The following DERA variants were observed in gnomAD, a reference collection of about 807,000 sequenced individuals.
DERA encodes deoxyribose-phosphate aldolase, also known as 2-deoxy-D-ribose 5-phosphate aldolase.
DERA carries 15 observed loss-of-function variants against 41.1 expected under a neutral mutation model. The observed-to-expected ratio is 0.37, with a 90% CI of 0.24 to 0.56. The LOEUF (loss-of-function observed/expected upper bound fraction) is 0.56. Among genes scored for constraint, DERA ranks in the 20% least tolerant of loss-of-function variants. DERA has a pLI of 0.81. For synonymous variants in DERA, 139 were observed against 137.4 expected, an observed-to-expected ratio of 1.01 and a Z score of -0.08; for missense variants, 396 against 403.4, an observed-to-expected ratio of 0.98 and a Z score of 0.16.
Position 15,936,855 on chromosome 12 carries a change from C to CTTGTCTTGTGTTGTCTTGTCTTGTG in DERA, c.32-20072_32-20071insGTTGTCTTGTCTTGTGTTGTCTTGT, listed in dbSNP as rs1948367986. 2.3e-5 allele frequency among the ~76,000 whole-genome samples: 3 copies of CTTGTCTTGTGTTGTCTTGTCTTGTG among 128,178 alleles called. No homozygotes were observed. The highest frequency in any genetic ancestry group is 9.7e-5 in the African/African-American group (3 of 30,856). 84.1% of individuals were successfully genotyped at this position (128,178 alleles called of 152,430 possible). On this transcript the variant is annotated intron_variant, in intron 1 of 8. Coordinates refer to ENST00000428559, the MANE Select transcript of DERA (RefSeq NM_015954.4). The surrounding 1 kb of genome is among the most constrained non-coding windows in gnomAD (Gnocchi z 4.6). ...TTCTGCATCTTCTGTCTTGTGTTGT[C>CTTGTCTTGTGTTGTCTTGTCTTGTG]TTGTCTTGTCTTGTCTTGTCTTGTC...
chr12:16,002,556 G>A (rs1203368916), intron 6 of DERA, among the ~76,000 whole-genome samples: 1 of 151,930 alleles, frequency 6.6e-6, no homozygotes, highest in African/African-American at 2.4e-5. Flanking sequence ...TAATTTTATA[G>A]TCACGTACTC....
rs1362631122 is a variant in DERA at position 15,993,754 on chromosome 12, T to A, written c.637+11318T>A. ...AATTCAGGTCCCCAAGCAAAAATTT[T>A]ATAAAGTTTACCCCCACCTGGCCCC... On this transcript the variant is annotated intron_variant, in intron 6 of 8. Coordinates refer to ENST00000428559, the MANE Select transcript of DERA (RefSeq NM_015954.4). The surrounding 1 kb of genome is among the most constrained non-coding windows in gnomAD (Gnocchi z 4.4). 1.3e-5 allele frequency among the ~76,000 whole-genome samples: 2 copies of A among 152,142 alleles called. No homozygotes were observed. Among genetic ancestry groups the A allele is most frequent in the Non-Finnish European group, 2.9e-5 (2 of 68,034 alleles).
rs1591993724 is a variant in DERA, at chr12:15,911,341, A to G, written c.-43A>G. On this transcript the variant is annotated 5_prime_UTR_variant, in exon 1 of 9. Transcript: ENST00000428559. The surrounding 1 kb of genome is among the most constrained non-coding windows in gnomAD (Gnocchi z 4.5). ...GGAGGAAGGGCCGGGCGCGGCGCAGAGGCGGGCGCCTACCAGCCGGCAGCT... is the reference window on the plus strand; with the variant it reads ...GGAGGAAGGGCCGGGCGCGGCGCAGGGGCGGGCGCCTACCAGCCGGCAGCT... 1.7e-5 allele frequency: 24 copies of G among 1,433,420 alleles called. No individual in the cohort carries two copies. The highest frequency in any genetic ancestry group is 2.2e-5 in the Non-Finnish European group (24 of 1,101,462). The allele number at this position is 1,433,420 out of a possible 1,614,324, so 88.8% of individuals were successfully genotyped here. A position where few individuals can be genotyped will look rare whatever the true frequency, so the allele number is the denominator to read the frequency against.
At chr12:15,942,162 C>G (rs1948413336) in intron 1 of DERA, among the ~76,000 whole-genome samples, 1 of 152,130 alleles carries the variant, frequency 6.6e-6, no homozygotes, top group Non-Finnish European at 1.5e-5. Flanking sequence ...TGTATATCTT[C>G]TTTTGAGAAA....
chr12:16,020,262 A>C lies in DERA; in HGVS notation c.638-12280A>C, dbSNP rs545468384. 6.6e-6 allele frequency among the ~76,000 whole-genome samples: 1 copy of C among 152,338 alleles called. No individual in the cohort carries two copies. Among genetic ancestry groups the C allele is most frequent in the South Asian group, 2.1e-4 (1 of 4,824 alleles). ...GTGGAAGAGGAAGCAGGCATGTCTT[A>C]AATGGCTGGAGCAGGAAGAAGAGAG... On this transcript the variant is annotated intron_variant, in intron 6 of 8. Transcript: ENST00000428559. The surrounding 1 kb of genome is among the most constrained non-coding windows in gnomAD (Gnocchi z 5.5).
At position 16,003,118 on chromosome 12, in the gene DERA, T is replaced by C. The variant is rs562282682; in HGVS notation, c.637+20682T>C. On this transcript the variant is annotated intron_variant, in intron 6 of 8. Transcript: ENST00000428559. This position sits in a 1 kb window ranked among gnomAD's most constrained non-coding sequence, Gnocchi z 4.8. ...GAGGGCTATGAGAAAGAATCTGTTT[T>C]GTGGCTCTCCCCTTACTTGCAGGGG... Among the ~76,000 whole-genome samples, 1 of 152,286 alleles carries C rather than the reference T, an allele frequency of 6.6e-6. No individual in the cohort carries two copies. The highest frequency in any genetic ancestry group is 2.4e-5 in the African/African-American group (1 of 41,552).
rs1180344279 is a variant in DERA at position 16,003,890 on chromosome 12, G to C, written c.637+21454G>C. Among the ~76,000 whole-genome samples the C allele has an allele frequency of 6.6e-6, 1 of 152,194 alleles. No individual in the cohort carries two copies. Among genetic ancestry groups the C allele is most frequent in the East Asian group, 1.9e-4 (1 of 5,190 alleles). On this transcript the variant is annotated intron_variant, in intron 6 of 8. Transcript: ENST00000428559. The surrounding 1 kb of genome is among the most constrained non-coding windows in gnomAD (Gnocchi z 4.8). ...GGAAGTTCATCCCAACCTGGAAGAGGAGAGAGGTGTTCTGGGTTGTAGAGC... is the reference window on the plus strand; with the variant it reads ...GGAAGTTCATCCCAACCTGGAAGAGCAGAGAGGTGTTCTGGGTTGTAGAGC...
rs1256476492 is a variant in DERA, at chr12:15,984,206, A to C, written c.637+1770A>C. Among the ~76,000 whole-genome samples the C allele has an allele frequency of 6.6e-6, 1 of 152,170 alleles. No homozygotes were observed. Among genetic ancestry groups the C allele is most frequent in the African/African-American group, 2.4e-5 (1 of 41,438 alleles). On this transcript the variant is annotated intron_variant, in intron 6 of 8. Transcript: ENST00000428559. This position sits in a 1 kb window ranked among gnomAD's most constrained non-coding sequence, Gnocchi z 4.5. Reference sequence around the variant, plus strand: ...CCAATCTTGTGATACCTGTTACCCCAGCTGTTATCCTGGTCACAATGAAAG... The same window carrying C: ...CCAATCTTGTGATACCTGTTACCCCCGCTGTTATCCTGGTCACAATGAAAG...
rs1279870227 is a variant in DERA, at chr12:15,931,958, T to C, written c.31+20544T>C. 2.0e-5 allele frequency among the ~76,000 whole-genome samples: 3 copies of C among 152,302 alleles called. No individual in the cohort carries two copies. The highest frequency in any genetic ancestry group is 1.9e-4 in the East Asian group (1 of 5,186). On this transcript the variant is annotated intron_variant, in intron 1 of 8. Coordinates refer to ENST00000428559, the MANE Select transcript of DERA (RefSeq NM_015954.4). This position sits in a 1 kb window ranked among gnomAD's most constrained non-coding sequence, Gnocchi z 4.6. ...TCCCCTTTGACCTTTTGCCATGTTATGACTCAGCAGAAAAGCCCTTACCAA... is the reference window on the plus strand; with the variant it reads ...TCCCCTTTGACCTTTTGCCATGTTACGACTCAGCAGAAAAGCCCTTACCAA...
In DERA at chr12:16,037,294, T is replaced by C. The variant is rs756253512; in HGVS notation, c.*548T>C. 5 of 152,186 alleles carry C rather than the reference T, an allele frequency of 3.3e-5. No homozygotes were observed. Among genetic ancestry groups the C allele is most frequent in the Non-Finnish European group, 7.3e-5 (5 of 68,048 alleles). The allele number at this position is 152,186 out of a possible 1,614,324, so 9.4% of individuals were successfully genotyped here. A position where few individuals can be genotyped will look rare whatever the true frequency, so the allele number is the denominator to read the frequency against. On this transcript the variant is annotated 3_prime_UTR_variant, in exon 9 of 9. Transcript: ENST00000428559. This position sits in a 1 kb window ranked among gnomAD's most constrained non-coding sequence, Gnocchi z 6.7. ...AATTTTTAAAATAATAAAGTTCCTA[T>C]AGTTTATTTTTTTAAAAAACTTAAA...
At chr12:15,979,333 T>C (rs532938824) in intron 5 of DERA, among the ~76,000 whole-genome samples, 1 of 152,312 alleles carries the variant, frequency 6.6e-6, no homozygotes, top group African/African-American at 2.4e-5. Context: ...GGTACCACAC[T>C]GTTGGCTGGT....
intron 1 of DERA, among the ~76,000 whole-genome samples, chr12:15,950,437 C>A (rs947024855): frequency 6.6e-6 from 1 of 152,148 alleles, no homozygotes; most frequent in Admixed American, 6.5e-5. Context: ...TGGGTTTTAG[C>A]TGGCTTCTTT....
At chr12:15,964,591 T>C (rs1254117929) in intron 5 of DERA, among the ~76,000 whole-genome samples, 1 of 152,222 alleles carries the variant, frequency 6.6e-6, no homozygotes, top group African/African-American at 2.4e-5. Context: ...CGGATTTCAC[T>C]AAGATTTAAG....
intron 1 of DERA, among the ~76,000 whole-genome samples, chr12:15,929,013 G>T (rs1210872227): frequency 6.6e-6 from 1 of 152,200 alleles, no homozygotes; most frequent in Non-Finnish European, 1.5e-5. Context: ...CTCCTTTAGA[G>T]CACTGGCTCA....
chr12:15,941,488 C>T lies in DERA; in HGVS notation c.32-15448C>T, dbSNP rs560105624. On this transcript the variant is annotated intron_variant, in intron 1 of 8. Transcript: ENST00000428559. The surrounding 1 kb of genome is among the most constrained non-coding windows in gnomAD (Gnocchi z 4.5). ...GTGTACCCATCACCCTAGCAATGTA[C>T]GCTGTACCTAATATGTAGTCTTTTA... Among the ~76,000 whole-genome samples, 68 of 152,198 alleles carry T rather than the reference C, an allele frequency of 4.5e-4. No homozygotes were observed. Among genetic ancestry groups the T allele is most frequent in the Admixed American group, 6.5e-4 (10 of 15,296 alleles).
chr12:15,962,830 G>A lies in DERA; in HGVS notation c.391G>A (p.Ala131Thr). ...TCTATTAGTGGCCGCTGGATTTCCA[G>A]CTGGACAGACTCATTTGAAGACACG... ...PVASVAAGFPAGQTHLKTRLE... is the reference protein window; with the variant it reads ...PVASVAAGFPTGQTHLKTRLE... Residue 131 changes from alanine (A) to threonine (T), a missense_variant, in exon 5 of 9, where the codon GCT (alanine) becomes ACT (threonine). Coordinates refer to ENST00000428559, the MANE Select transcript of DERA (RefSeq NM_015954.4). The A allele has an allele frequency of 6.5e-7, 1 of 1,549,902 alleles. No individual in the cohort carries two copies. The highest frequency in any genetic ancestry group is 8.7e-7 in the Non-Finnish European group (1 of 1,145,860).
chr12:15,982,574 A>T lies in DERA; in HGVS notation c.637+138A>T. The T allele has an allele frequency of 1.1e-6, 1 of 927,454 alleles. No individual in the cohort carries two copies. Among genetic ancestry groups the T allele is most frequent in the South Asian group, 1.9e-5 (1 of 53,970 alleles). 57.5% of individuals were successfully genotyped at this position (927,454 alleles called of 1,614,324 possible). On this transcript the variant is annotated intron_variant, in intron 6 of 8. Coordinates refer to ENST00000428559, the MANE Select transcript of DERA (RefSeq NM_015954.4). This position sits in a 1 kb window ranked among gnomAD's most constrained non-coding sequence, Gnocchi z 4.0. ...TTGCGGGAGGAATCGGATATTTTGTAAAAACATGTTCAATGTGAAGTGGTC... is the reference window on the plus strand; with the variant it reads ...TTGCGGGAGGAATCGGATATTTTGTTAAAACATGTTCAATGTGAAGTGGTC...
intron 6 of DERA, among the ~76,000 whole-genome samples, chr12:15,997,751 G>T (rs1000296948): frequency 1.3e-5 from 2 of 152,144 alleles, no homozygotes; most frequent in African/African-American, 2.4e-5. Flanking sequence ...ATTATGTAGA[G>T]AACATACTTT....
chr12:15,937,986 G>A (rs1267543952), intron 1 of DERA, among the ~76,000 whole-genome samples: 1 of 152,178 alleles, frequency 6.6e-6, no homozygotes, highest in Non-Finnish European at 1.5e-5. Context: ...CCTTTGTTTT[G>A]AGGAAGCTCT....
Sources: allele counts gnomAD v4.1 joint callset (sites outside exome capture counted in the v4.1 genomes callset), GRCh38; gene constraint gnomAD v4.1.1; non-coding constraint Gnocchi (gnomAD v3.1); transcripts MANE v1.5; gene names NCBI Gene and HGNC (gene_info 2026-07-23, HGNC 2026-07-21).